ANKRD6: variants seen among roughly 807,000 people sequenced by gnomAD.
The protein encoded by ANKRD6 is ankyrin repeat domain 6.
In ANKRD6, 56 loss-of-function variants were observed where a neutral mutation model predicts 82.3. That is an observed-to-expected ratio of 0.68 (90% CI 0.55 to 0.85). The LOEUF is 0.85. Among genes scored for constraint, ANKRD6 ranks in the 40% least tolerant of loss-of-function variants. ANKRD6 has a pLI of 0.00. For missense variants in ANKRD6, 852 were observed against 907.6 expected, an observed-to-expected ratio of 0.94 and a Z score of 0.79; for synonymous variants, 347 against 352.1, an observed-to-expected ratio of 0.99 and a Z score of 0.16.
intron 1 of ANKRD6, among the ~76,000 whole-genome samples, chr6:89,528,637 A>T (rs1194524861): frequency 6.6e-6 from 1 of 152,216 alleles, no homozygotes; most frequent in Non-Finnish European, 1.5e-5. Flanking sequence ...CTAGAATGTG[A>T]AGCCTTTCCG....
intron 1 of ANKRD6, among the ~76,000 whole-genome samples, chr6:89,490,929 A>G (rs1777942164): frequency 6.6e-6 from 1 of 152,192 alleles, no homozygotes; most frequent in African/African-American, 2.4e-5. Flanking sequence ...AAGATGAGGC[A>G]GTCATCCTGG....
chr6:89,498,741 A>G (rs1778932052), intron 1 of ANKRD6, among the ~76,000 whole-genome samples: 1 of 152,200 alleles, frequency 6.6e-6, no homozygotes, highest in South Asian at 2.1e-4. Context: ...TTGATTTGGG[A>G]GCCCAGTTTG....
chr6:89,497,057 A>T (rs192166462), intron 1 of ANKRD6, among the ~76,000 whole-genome samples: 1 of 152,184 alleles, frequency 6.6e-6, no homozygotes, highest in African/African-American at 2.4e-5. Context: ...CTTGTCAGGG[A>T]TGCTTTCTCT....
At chr6:89,583,898 C>G (rs1165263137) in intron 2 of ANKRD6, among the ~76,000 whole-genome samples, 1 of 152,214 alleles carries the variant, frequency 6.6e-6, no homozygotes, top group African/African-American at 2.4e-5. Context: ...AGTTTGGGCC[C>G]AGAGGCCCCA....
chr6:89,608,928 G>A (rs1388708362), intron 5 of ANKRD6, among the ~76,000 whole-genome samples: 1 of 152,162 alleles, frequency 6.6e-6, no homozygotes, highest in East Asian at 1.9e-4. Flanking sequence ...ATAAGCCTCT[G>A]CTGGCCCACC....
intron 1 of ANKRD6, among the ~76,000 whole-genome samples, chr6:89,550,999 C>T (rs1023681919): frequency 6.6e-6 from 1 of 152,148 alleles, no homozygotes; most frequent in African/African-American, 2.4e-5. Flanking sequence ...TACACACATA[C>T]ATATAAATAA....
chr6:89,618,031 G>A lies in ANKRD6; in HGVS notation c.792G>A (p.Gln264=). The change falls in exon 9 of 16, where the codon CAG becomes CAA. Residue 264 remains glutamine, a splice_region_variant and synonymous_variant. Transcript: ENST00000339746. ...EVALLLTKAP[Q]VLRFSRGRSL... ...CTCTTCTCCTTACTAAAGCTCCCCAGGTAGGATTTACTGCCCTTTCCATGG... is the reference window on the plus strand; with the variant it reads ...CTCTTCTCCTTACTAAAGCTCCCCAAGTAGGATTTACTGCCCTTTCCATGG... The A allele has an allele frequency of 6.2e-7, 1 of 1,614,000 alleles. No individual in the cohort carries two copies. The highest frequency in any genetic ancestry group is 8.5e-7 in the Non-Finnish European group (1 of 1,179,894).
intron 2 of ANKRD6, among the ~76,000 whole-genome samples, chr6:89,567,817 G>A (rs1415873914): frequency 6.6e-6 from 1 of 152,180 alleles, no homozygotes; most frequent in African/African-American, 2.4e-5. Context: ...TGGAGAGGAG[G>A]AAACTTGTCC....
At chr6:89,543,254 TAAGAA>T (rs1272749416) in intron 1 of ANKRD6, among the ~76,000 whole-genome samples, 9 of 152,184 alleles carry the variant, frequency 5.9e-5, no homozygotes, top group East Asian at 1.9e-4. Flanking sequence ...TTTATAGACT[TAAGAA>T]AAGGAAGACC....
intron 1 of ANKRD6, among the ~76,000 whole-genome samples, chr6:89,473,979 TCAAAA>T (rs769810885): frequency 3.2e-4 from 48 of 152,110 alleles, no homozygotes; most frequent in African/African-American, 7.2e-5. Context: ...AGACCCTGTC[TCAAAA>T]CAAAACAAAA....
chr6:89,477,418 T>G (rs1157947287), intron 1 of ANKRD6, among the ~76,000 whole-genome samples: 1 of 152,180 alleles, frequency 6.6e-6, no homozygotes, highest in Non-Finnish European at 1.5e-5. Flanking sequence ...ACACCATCAT[T>G]GTTTCTTAAT....
intron 4 of ANKRD6, among the ~76,000 whole-genome samples, 187 bp downstream of exon 4, chr6:89,603,314 A>G (rs1797677822): frequency 6.7e-6 from 1 of 149,570 alleles, no homozygotes; most frequent in Non-Finnish European, 1.5e-5. Flanking sequence ...ATCCCAGCCA[A>G]TTGTAATTTT....
chr6:89,462,275 C>T (rs1053983676), intron 1 of ANKRD6, among the ~76,000 whole-genome samples: 2 of 126,102 alleles, frequency 1.6e-5, no homozygotes, highest in Non-Finnish European at 3.4e-5. Context: ...ATAATAAATA[C>T]ATAAATAAAA....
At chr6:89,462,349 A>G (rs1443119560) in intron 1 of ANKRD6, among the ~76,000 whole-genome samples, 4 of 151,968 alleles carry the variant, frequency 2.6e-5, no homozygotes, top group African/African-American at 9.7e-5. Flanking sequence ...AGTCAAGGTT[A>G]TTGAAATTTA....
At chr6:89,493,630 C>G (rs1189183519) in intron 1 of ANKRD6, among the ~76,000 whole-genome samples, 1 of 151,982 alleles carries the variant, frequency 6.6e-6, no homozygotes, top group African/African-American at 2.4e-5. Flanking sequence ...CCAGGCTGGT[C>G]TCGAACTCCT....
Position 89,622,016 on chromosome 6 carries a change from C to T in ANKRD6, c.887C>T (p.Ala296Val). ...RAQSVPRDEVAQSKGSVSAGD... is the reference protein window; with the variant it reads ...RAQSVPRDEVVQSKGSVSAGD... ...CAGTCTGTGCCAAGAGATGAGGTGG[C>T]CCAAAGCAAGGTGGGGGGCAGTCCT... is the stretch of plus-strand genomic sequence containing the variant. Residue 296 changes from alanine (A) to valine (V), a missense_variant, in exon 10 of 16, where the codon GCC (alanine) becomes GTC (valine). Physicochemically the swap from Ala to Val is moderately conservative, Grantham distance 64. Coordinates refer to ENST00000339746, the MANE Select transcript of ANKRD6 (RefSeq NM_001242809.2). 6.2e-7 allele frequency: 1 copy of T among 1,612,100 alleles called. No homozygotes were observed.
intron 2 of ANKRD6, among the ~76,000 whole-genome samples, chr6:89,576,596 G>C (rs1791158182): frequency 6.6e-6 from 1 of 152,118 alleles, no homozygotes. Context: ...GTGCACTGGT[G>C]AACAAGACAG....
At chr6:89,462,098 G>T (rs942512975) in intron 1 of ANKRD6, among the ~76,000 whole-genome samples, 2 of 151,810 alleles carry the variant, frequency 1.3e-5, no homozygotes, top group African/African-American at 4.8e-5. Context: ...CAGACATAGT[G>T]GTGCATGCCT....
intron 1 of ANKRD6, among the ~76,000 whole-genome samples, chr6:89,445,362 C>G (rs1193756445): frequency 6.6e-6 from 1 of 151,074 alleles, no homozygotes; most frequent in East Asian, 2.0e-4. Context: ...CCTCCACCTC[C>G]CAGGTTCAAG....
Sources: gnomAD v4.1 joint callset for allele counts (sites outside exome capture counted in the v4.1 genomes callset) on GRCh38, gnomAD v4.1.1 for gene constraint, MANE v1.5 for transcripts, NCBI Gene and HGNC (gene_info 2026-07-23, HGNC 2026-07-21) for gene names.